The following PHLDB2 variants were observed in gnomAD, a reference collection of about 807,000 sequenced individuals.
PHLDB2 encodes pleckstrin homology like domain family B member 2.
A neutral mutation model predicts 123.6 loss-of-function variants in PHLDB2; 71 were observed. That is an observed-to-expected ratio of 0.57 (90% confidence interval 0.47 to 0.70). PHLDB2 has a LOEUF of 0.70. PHLDB2 is among the 30% of genes least tolerant of loss of function. The pLI is 0.00. For missense variants in PHLDB2, 1,446 were observed against 1,519.5 expected, an observed-to-expected ratio of 0.95 and a Z score of 0.80; for synonymous variants, 547 against 541.6, an observed-to-expected ratio of 1.01 and a Z score of -0.14.
At chr3:111,803,146 T>C (rs2061440156) in intron 1 of PHLDB2, among the ~76,000 whole-genome samples, 1 of 152,228 alleles carries the variant, frequency 6.6e-6, no homozygotes, top group African/African-American at 2.4e-5. Context: ...CATTCCTTGG[T>C]TGGCATCTGC....
At chr3:111,951,312 G>A (rs2070703291) in intron 10 of PHLDB2, among the ~76,000 whole-genome samples, 1 of 152,088 alleles carries the variant, frequency 6.6e-6, no homozygotes, top group African/African-American at 2.4e-5. Flanking sequence ...TATAGAGATA[G>A]TAATAGTACC....
At chr3:111,973,061 A>G (rs902140460) in intron 16 of PHLDB2, among the ~76,000 whole-genome samples, 3 of 152,208 alleles carry the variant, frequency 2.0e-5, no homozygotes, top group Non-Finnish European at 4.4e-5. Flanking sequence ...AGTTTAAGTT[A>G]CAAAATATTT....
At chr3:111,967,227 G>A (rs1449779149) in intron 14 of PHLDB2, among the ~76,000 whole-genome samples, 3 of 152,120 alleles carry the variant, frequency 2.0e-5, no homozygotes, top group Non-Finnish European at 4.4e-5. Flanking sequence ...ACTTCCCCAC[G>A]TGCTTCCTCT....
rs571235921 is a variant in PHLDB2 at position 111,852,964 on chromosome 3, T to C, written c.67+7029T>C. ...TTAAAGATAAACCAGCACATGGGGA[T>C]AATCATTAAACTTGAGGAGACAAAA... is the stretch of plus-strand genomic sequence containing the variant. On this transcript the variant is annotated intron_variant, in intron 2 of 17. Coordinates refer to the PHLDB2 transcript ENST00000393923. 8.5e-5 allele frequency among the ~76,000 whole-genome samples: 13 copies of C among 152,346 alleles called. 1 individual carries two copies. In the South Asian group the frequency reaches 2.7e-3, roughly 32 times the overall value.
chr3:111,859,819 G>C (rs2064718267), intron 1 of PHLDB2: 4 of 985,736 alleles, frequency 4.1e-6, no homozygotes, highest in Non-Finnish European at 4.8e-6. Context: ...CGGGGGCAAA[G>C]GCTAGGCGCT....
chr3:111,955,503 C>T (rs918301068), intron 12 of PHLDB2, among the ~76,000 whole-genome samples: 3 of 152,034 alleles, frequency 2.0e-5, no homozygotes, highest in Non-Finnish European at 2.9e-5. Flanking sequence ...GGCTGGAATG[C>T]AGTGGTGTGT....
At chr3:111,967,593 A>ACT (rs2071861973) in intron 14 of PHLDB2, 85 bp from the exon 15 acceptor site, 14 of 1,367,644 alleles carry the variant, frequency 1.0e-5, no homozygotes, top group Non-Finnish European at 1.3e-5. Flanking sequence ...TTTGTCTAGT[A>ACT]AGAATTGTCT....
chr3:111,919,011 C>A, intron 3 of PHLDB2, 61 bp from the exon 4 acceptor site: 1 of 1,569,286 alleles, frequency 6.4e-7, no homozygotes, highest in South Asian at 1.1e-5. Context: ...GTTTACAAGT[C>A]AAGTTGGGAA....
chr3:111,778,041 A>C (rs774548847), intron 1 of PHLDB2, among the ~76,000 whole-genome samples: 5 of 152,080 alleles, frequency 3.3e-5, no homozygotes, highest in Admixed American at 6.6e-5. Context: ...TTCATCGCAC[A>C]ATCAACCTAC....
intron 1 of PHLDB2, among the ~76,000 whole-genome samples, chr3:111,860,480 G>T (rs1356088092): frequency 6.6e-6 from 1 of 152,168 alleles, no homozygotes; most frequent in Non-Finnish European, 1.5e-5. Context: ...CAGCTGAATC[G>T]TTTGCTGGTT....
At chr3:111,762,770 C>CT (rs1046715173) in intron 1 of PHLDB2, among the ~76,000 whole-genome samples, 1 of 152,046 alleles carries the variant, frequency 6.6e-6, no homozygotes, top group African/African-American at 2.4e-5. Context: ...TAATCTTTCT[C>CT]TTTTTTTTCT....
intron 2 of PHLDB2, 99 bp downstream of exon 2, chr3:111,885,511 A>G (rs1403939806): frequency 5.5e-6 from 8 of 1,466,370 alleles, no homozygotes; most frequent in Non-Finnish European, 7.6e-6. Context: ...GGAATATAGG[A>G]TATTCATGTT....
intron 1 of PHLDB2, among the ~76,000 whole-genome samples, chr3:111,795,651 C>T (rs1489582083): frequency 6.6e-6 from 1 of 152,212 alleles, no homozygotes; most frequent in African/African-American, 2.4e-5. Context: ...CCTTGGAGCT[C>T]CTCCTCCTTT....
chr3:111,738,777 G>T (rs1211405885), intron 1 of PHLDB2, among the ~76,000 whole-genome samples: 1 of 152,102 alleles, frequency 6.6e-6, no homozygotes, highest in Non-Finnish European at 1.5e-5. Context: ...ATTTAATCAA[G>T]AAATTGATTT....
intron 1 of PHLDB2, 141 bp from the exon 2 acceptor site, chr3:111,883,923 G>A (rs6805339): frequency 0.51 from 379,399 of 747,482 alleles, 98,644 homozygotes; most frequent in East Asian, 0.7. Flanking sequence ...GTTTTAACAG[G>A]TTTTTTAGTA....
rs376104250 is a variant in PHLDB2 at position 111,945,435 on chromosome 3, A to T, written c.2487+78A>T. The T allele has an allele frequency of 9.2e-6, 10 of 1,086,606 alleles. No individual in the cohort carries two copies. The East Asian group carries it at 9.6e-5, about 10-fold the overall frequency. The allele number at this position is 1,086,606 out of a possible 1,614,324, so 67.3% of individuals were successfully genotyped here. ...TATTTCAGCTTTATTTGATTAGCTG[A>T]ATAATAAAAATATTAACTCAAAGGA... On this transcript the variant is annotated intron_variant, in intron 9 of 17. Coordinates refer to ENST00000431670, the MANE Select transcript of PHLDB2 (RefSeq NM_001134438.2).
At chr3:111,813,563 T>C (rs541999670) in intron 1 of PHLDB2, among the ~76,000 whole-genome samples, 2 of 152,278 alleles carry the variant, frequency 1.3e-5, no homozygotes, top group South Asian at 2.1e-4. Context: ...TAAAACAGCG[T>C]GTTACACAAC....
At chr3:111,875,253 A>AT (rs1043009961) in intron 1 of PHLDB2, among the ~76,000 whole-genome samples, 18 of 151,946 alleles carry the variant, frequency 1.2e-4, no homozygotes, top group Non-Finnish European at 2.6e-4. Flanking sequence ...GGTTCAGGTG[A>AT]TTCTCCTGCC....
chr3:111,758,072 G>A (rs575999843), intron 1 of PHLDB2, among the ~76,000 whole-genome samples: 2 of 152,300 alleles, frequency 1.3e-5, no homozygotes, highest in South Asian at 2.1e-4. Context: ...CACTTGAGGA[G>A]GCAGTCTGCC....
Sources: allele counts gnomAD v4.1 joint callset (sites outside exome capture counted in the v4.1 genomes callset), GRCh38; gene constraint gnomAD v4.1.1; transcripts MANE v1.5; gene names NCBI Gene and HGNC (gene_info 2026-07-23, HGNC 2026-07-21).